DNAH14: variants seen among roughly 807,000 people sequenced by gnomAD.
DNAH14 encodes the protein dynein axonemal heavy chain 14.
A neutral mutation model predicts 520.9 loss-of-function variants in DNAH14; 478 were observed. The ratio of observed to expected loss-of-function variants is 0.92; its 90% CI spans 0.85 to 0.99. The LOEUF (loss-of-function observed/expected upper bound fraction) is 0.99. Among genes scored for constraint, DNAH14 ranks in the 50% least tolerant of loss-of-function variants. The pLI, the probability that DNAH14 is intolerant of heterozygous loss-of-function variation, is 0.00. For synonymous variants in DNAH14, 1,581 were observed against 1,757.2 expected, an observed-to-expected ratio of 0.90 and a Z score of 2.51; for missense variants, 4,831 against 5,234.5, an observed-to-expected ratio of 0.92 and a Z score of 2.38.
rs2093071530 is a variant in DNAH14 at position 225,265,304 on chromosome 1, GA to G, written c.7346del (p.Glu2449GlyfsTer2). ...CAATGTAACAGCTGCCAAAACCAAG[GA>G]GATGATTCTTAAGAAGTTAATAAGA... ...STNVTAAKTK[E>X]MILKKLIRRT... is the part of the protein sequence containing the mutation. On this transcript the variant is annotated frameshift_variant, in exon 48 of 86. Transcript: ENST00000682510. LOFTEE classifies it high-confidence loss of function. 4.5e-6 allele frequency: 7 copies of G among 1,545,152 alleles called. No homozygotes were observed. Among genetic ancestry groups the G allele is most frequent in the Non-Finnish European group, 6.1e-6 (7 of 1,145,178 alleles).
intron 20 of DNAH14, among the ~76,000 whole-genome samples, chr1:225,083,094 A>G (rs2073332264): frequency 6.6e-6 from 1 of 152,178 alleles, no homozygotes; most frequent in Admixed American, 6.5e-5. Flanking sequence ...ATGAAAATAT[A>G]TTAAGAGCAT....
At chr1:225,203,388 G>C (rs938276116) in intron 38 of DNAH14, among the ~76,000 whole-genome samples, 8 of 152,172 alleles carry the variant, frequency 5.3e-5, no homozygotes, top group Admixed American at 4.6e-4. Context: ...AGTAGGAATT[G>C]ATTACTATTT....
chr1:225,231,665 A>G (rs1378612209), intron 42 of DNAH14, among the ~76,000 whole-genome samples: 3 of 152,096 alleles, frequency 2.0e-5, no homozygotes, highest in African/African-American at 7.2e-5. Context: ...CATTCATGTC[A>G]CATTTGCTTT....
rs112090714 is a variant in DNAH14, at chr1:225,224,960, C to T, written c.6440-6113C>T. On this transcript the variant is annotated intron_variant, in intron 41 of 85. Coordinates refer to ENST00000682510, the MANE Select transcript of DNAH14 (RefSeq NM_001367479.1). Reference sequence around the variant, plus strand: ...TTGACTTCAGCAATTGCTGGGTCAACGTACACGTCCTATTTTTATCACACA... The same window carrying T: ...TTGACTTCAGCAATTGCTGGGTCAATGTACACGTCCTATTTTTATCACACA... 2.9e-3 allele frequency among the ~76,000 whole-genome samples: 437 copies of T among 152,308 alleles called. 3 individuals carry two copies. The highest frequency in any genetic ancestry group is 9.7e-3 in the African/African-American group (404 of 41,572).
chr1:225,395,049 T>C (rs1234195586), intron 84 of DNAH14, among the ~76,000 whole-genome samples: 1 of 152,164 alleles, frequency 6.6e-6, no homozygotes, highest in African/African-American at 2.4e-5. Context: ...TTATCCTTTA[T>C]CTCATTAACA....
At chr1:225,398,442 G>A (rs1365704665) in intron 84 of DNAH14, 78 bp from the exon 85 acceptor site, 4 of 1,497,386 alleles carry the variant, frequency 2.7e-6, no homozygotes, top group Non-Finnish European at 2.7e-6. Context: ...TGGATCGGTC[G>A]GCTCAATTCC....
chr1:225,193,053 G>A (rs1208215284), intron 38 of DNAH14, 142 bp downstream of exon 38: 5 of 661,434 alleles, frequency 7.6e-6, no homozygotes, highest in Non-Finnish European at 9.4e-6. Context: ...TTTTTAAAAA[G>A]AGAAAAATTA....
At chr1:225,118,638 T>C (rs2077049268) in intron 25 of DNAH14, among the ~76,000 whole-genome samples, 1 of 152,180 alleles carries the variant, frequency 6.6e-6, no homozygotes, top group African/African-American at 2.4e-5. Flanking sequence ...ATCCCGACAC[T>C]TTGGGAGGCC....
At chr1:225,227,807 A>G (rs2090688962) in intron 41 of DNAH14, among the ~76,000 whole-genome samples, 1 of 152,136 alleles carries the variant, frequency 6.6e-6, no homozygotes, top group Non-Finnish European at 1.5e-5. Flanking sequence ...TCCAGTAACA[A>G]TTATATTACG....
intron 41 of DNAH14, among the ~76,000 whole-genome samples, chr1:225,227,572 C>A (rs2090660575): frequency 6.6e-6 from 1 of 152,280 alleles, no homozygotes; most frequent in East Asian, 1.9e-4. Context: ...ACAGTCTGAT[C>A]TCTCTTTCTT....
intron 17 of DNAH14, 65 bp downstream of exon 17, chr1:225,051,860 T>G: frequency 8.7e-7 from 1 of 1,148,168 alleles, no homozygotes; most frequent in Non-Finnish European, 1.2e-6. Context: ...AAATTTAAAA[T>G]ATGTACTTAG....
At chr1:225,214,460 T>C (rs1198702658) in intron 41 of DNAH14, among the ~76,000 whole-genome samples, 1 of 152,224 alleles carries the variant, frequency 6.6e-6, no homozygotes, top group African/African-American at 2.4e-5. Context: ...TTTCTACTGA[T>C]TGGAATAGTT....
intron 8 of DNAH14, among the ~76,000 whole-genome samples, chr1:224,994,238 C>A (rs2063244663): frequency 6.6e-6 from 1 of 151,888 alleles, no homozygotes; most frequent in South Asian, 2.1e-4. Flanking sequence ...TATGAATTTT[C>A]TGTCTGAATG....
Position 225,152,704 on chromosome 1 carries a change from G to T in DNAH14, c.5017G>T (p.Gly1673Cys), listed in dbSNP as rs1355233191. ...TTTTCTTTTCCTCTTCAGATACGGA[G>T]GTGGAGTAGAGCTCCCAGATAACTT... The part of the protein sequence containing the change: ...VFITMNPRYG[G>C]GVELPDNLKS... The change falls in exon 33 of 86, where the codon GGT becomes TGT. Residue 1673 changes from glycine to cysteine, a missense_variant. By Grantham distance (159) the Gly-to-Cys change is radical. Coordinates refer to ENST00000682510, the MANE Select transcript of DNAH14 (RefSeq NM_001367479.1). 18 of 1,543,304 alleles carry T rather than the reference G, an allele frequency of 1.2e-5. No individual in the cohort carries two copies. Among genetic ancestry groups the T allele is most frequent in the Non-Finnish European group, 1.6e-5 (18 of 1,143,894 alleles).
intron 17 of DNAH14, among the ~76,000 whole-genome samples, chr1:225,067,137 G>A (rs1329887300): frequency 6.6e-6 from 1 of 151,918 alleles, no homozygotes. Flanking sequence ...CCTCCAGTAG[G>A]CCCCAGTGTG....
intron 23 of DNAH14, among the ~76,000 whole-genome samples, chr1:225,116,173 A>T (rs2076859137): frequency 6.6e-6 from 1 of 152,204 alleles, no homozygotes; most frequent in African/African-American, 2.4e-5. Flanking sequence ...CAGGTTGCAG[A>T]TGGGAAAGTG....
intron 41 of DNAH14, among the ~76,000 whole-genome samples, chr1:225,227,505 T>C (rs993989986): frequency 6.6e-6 from 1 of 152,210 alleles, no homozygotes; most frequent in Non-Finnish European, 1.5e-5. Context: ...AAAATTTTTC[T>C]TAGTACAGAT....
At chr1:225,319,150 T>C (rs2094516938) in intron 61 of DNAH14, among the ~76,000 whole-genome samples, 1 of 152,196 alleles carries the variant, frequency 6.6e-6, no homozygotes, top group Non-Finnish European at 1.5e-5. Flanking sequence ...AAGTTGGACA[T>C]TACCACAAGG....
chr1:225,338,032 T>C (rs761092638), intron 67 of DNAH14, 29 bp from the exon 68 acceptor site: 2 of 1,497,010 alleles, frequency 1.3e-6, no homozygotes, highest in South Asian at 2.7e-5. Flanking sequence ...AAGATGATTT[T>C]TCTTATTTTT....
Sources: allele counts gnomAD v4.1 joint callset (sites outside exome capture counted in the v4.1 genomes callset), GRCh38; gene constraint gnomAD v4.1.1; transcripts MANE v1.5; gene names NCBI Gene and HGNC (gene_info 2026-07-23, HGNC 2026-07-21).